PCDHA12: variants seen among roughly 807,000 people sequenced by gnomAD.
The protein encoded by PCDHA12 is protocadherin alpha 12, also known as protocadherin alpha-12.
PCDHA12 carries 44 observed loss-of-function variants against 60.0 expected under a neutral mutation model. That is an observed-to-expected ratio of 0.73 (90% CI 0.58 to 0.94). The LOEUF is 0.94. PCDHA12 is among the 40% of genes least tolerant of loss of function. The pLI is 0.00. For synonymous variants in PCDHA12, 569 were observed against 553.0 expected, an observed-to-expected ratio of 1.03 and a Z score of -0.40; for missense variants, 1,276 against 1,239.7, an observed-to-expected ratio of 1.03 and a Z score of -0.44.
intron 1 of PCDHA12, among the ~76,000 whole-genome samples, chr5:140,907,186 C>A (rs782137829): frequency 1.3e-4 from 20 of 152,186 alleles, no homozygotes; most frequent in Non-Finnish European, 2.5e-4. Context: ...AGAGCATACA[C>A]AACCTTCTGG....
intron 3 of PCDHA12, among the ~76,000 whole-genome samples, chr5:140,990,314 CCAAA>C (rs2097387288): frequency 6.6e-6 from 1 of 152,212 alleles, no homozygotes; most frequent in Non-Finnish European, 1.5e-5. Context: ...AAAAAACCAA[CCAAA>C]CAAACTTTAA....
intron 3 of PCDHA12, among the ~76,000 whole-genome samples, chr5:140,984,922 C>T (rs2097125803): frequency 6.6e-6 from 1 of 152,074 alleles, no homozygotes; most frequent in Non-Finnish European, 1.5e-5. Flanking sequence ...TAGTGCTTGA[C>T]ATATAGTTAA....
chr5:140,973,178 G>A (rs188308697), intron 1 of PCDHA12, among the ~76,000 whole-genome samples: 1 of 152,282 alleles, frequency 6.6e-6, no homozygotes, highest in Admixed American at 6.5e-5. Flanking sequence ...CAAACCTTCA[G>A]TTATTTCTGC....
intron 3 of PCDHA12, among the ~76,000 whole-genome samples, chr5:140,996,834 A>G (rs527764387): frequency 1.7e-4 from 26 of 152,374 alleles, no homozygotes; most frequent in Middle Eastern, 3.4e-3. Flanking sequence ...CCAATAATTT[A>G]GCGTGCATCT....
chr5:140,875,542 T>G lies in PCDHA12; in HGVS notation c.70T>G (p.Trp24Gly). ...GCTCTCGCTTCTGCTCCTTGCAGCC[T>G]GGGAGGTGGGGAGCGGCCAGCTCCA... ...LLLSLLLLAA[W>G]EVGSGQLHYS... The change falls in exon 1 of 4, where the codon TGG (tryptophan) becomes GGG (glycine). Residue 24 changes from tryptophan to glycine, a missense_variant. By Grantham distance (184) the Trp-to-Gly change is radical. Coordinates refer to ENST00000398631, the MANE Select transcript of PCDHA12 (RefSeq NM_018903.4). 1 of 1,614,134 alleles carries G rather than the reference T, an allele frequency of 6.2e-7. No homozygotes were observed.
In PCDHA12 at chr5:140,875,834, T is replaced by C. The variant is rs1562703586; in HGVS notation, c.362T>C (p.Val121Ala). The C allele has an allele frequency of 1.2e-6, 2 of 1,613,958 alleles. No individual in the cohort carries two copies. Among genetic ancestry groups the C allele is most frequent in the Non-Finnish European group, 1.7e-6 (2 of 1,179,998 alleles). ...CCGCTGCAGGTTTTCCATGTGGACG[T>C]GGAGGTGAAGGACATTAACGACAAC... ...DRPLQVFHVD[V>A]EVKDINDNPP... The change falls in exon 1 of 4, where the codon GTG becomes GCG. Residue 121 changes from valine to alanine, a missense_variant. Val to Ala is a moderately conservative substitution (Grantham distance 64, BLOSUM62 0). Coordinates refer to ENST00000398631, the MANE Select transcript of PCDHA12 (RefSeq NM_018903.4).
chr5:140,897,214 G>A (rs1355389573), intron 1 of PCDHA12, among the ~76,000 whole-genome samples: 1 of 151,764 alleles, frequency 6.6e-6, no homozygotes, highest in Non-Finnish European at 1.5e-5. Flanking sequence ...TTAAGTTTTA[G>A]GGTACATGTG....
chr5:140,885,561 T>G (rs1378492280), intron 1 of PCDHA12, among the ~76,000 whole-genome samples: 2 of 152,192 alleles, frequency 1.3e-5, no homozygotes, highest in African/African-American at 4.8e-5. Context: ...TCTACGAAAT[T>G]GATTGTCAGA....
chr5:140,936,275 T>C (rs1423652397), intron 1 of PCDHA12, among the ~76,000 whole-genome samples: 1 of 152,216 alleles, frequency 6.6e-6, no homozygotes, highest in African/African-American at 2.4e-5. Context: ...TATATTCCTG[T>C]GTTTTCTTCT....
chr5:140,927,505 G>C, intron 1 of PCDHA12: 2 of 1,614,120 alleles, frequency 1.2e-6, no homozygotes, highest in Middle Eastern at 1.6e-4. Context: ...GGTGCTTACA[G>C]CTCGGGACGG....
intron 1 of PCDHA12, chr5:140,882,360 T>A: frequency 6.2e-7 from 1 of 1,614,134 alleles, no homozygotes. Context: ...AGTGGCCAGC[T>A]CCACTACTCC....
rs1178647780 is a variant in PCDHA12 at position 140,875,494 on chromosome 5, G to A, written c.22G>A (p.Gly8Ser). The A allele has an allele frequency of 6.2e-7, 1 of 1,613,020 alleles. No individual in the cohort carries two copies. The highest frequency in any genetic ancestry group is 8.5e-7 in the Non-Finnish European group (1 of 1,179,398). Residue 8 changes from glycine to serine, a missense_variant, in exon 1 of 4, where the codon GGC (glycine) becomes AGC (serine). Physicochemically the swap from Gly to Ser is moderately conservative, Grantham distance 56. Coordinates refer to ENST00000398631, the MANE Select transcript of PCDHA12 (RefSeq NM_018903.4). MVIIGPRGPGSQRLLLSL... is the reference protein window; with the variant it reads MVIIGPRSPGSQRLLLSL... ...TGCAATGGTGATTATCGGACCAAGAGGCCCGGGATCCCAGCGTCTGCTGCT... is the reference window on the plus strand; with the variant it reads ...TGCAATGGTGATTATCGGACCAAGAAGCCCGGGATCCCAGCGTCTGCTGCT...
chr5:140,952,948 A>AG (rs1177459807), intron 1 of PCDHA12, among the ~76,000 whole-genome samples: 39 of 152,028 alleles, frequency 2.6e-4, no homozygotes, highest in African/African-American at 8.5e-4. Context: ...GAGAGAGAGA[A>AG]GGGGGAAGTG....
At chr5:140,902,594 A>G (rs1208012043) in intron 1 of PCDHA12, among the ~76,000 whole-genome samples, 1 of 152,112 alleles carries the variant, frequency 6.6e-6, no homozygotes, top group Non-Finnish European at 1.5e-5. Context: ...TTTGGGAAAC[A>G]GGTCGTTTTC....
intron 3 of PCDHA12, among the ~76,000 whole-genome samples, chr5:141,003,283 G>A (rs1331116001): frequency 3.3e-5 from 5 of 152,188 alleles, no homozygotes; most frequent in African/African-American, 1.2e-4. Flanking sequence ...GCCCAAATTG[G>A]ATTATAGGAT....
intron 1 of PCDHA12, chr5:140,884,110 G>A: frequency 6.2e-7 from 1 of 1,613,438 alleles, no homozygotes; most frequent in Non-Finnish European, 8.5e-7. Flanking sequence ...TGCAGCTGGC[G>A]GCGGTCGGCG....
intron 1 of PCDHA12, among the ~76,000 whole-genome samples, chr5:140,949,015 T>A (rs1004348581): frequency 7.9e-5 from 12 of 151,734 alleles, no homozygotes; most frequent in Non-Finnish European, 1.2e-4. Context: ...ATATGTGATG[T>A]TTTTATTTTT....
chr5:140,937,039 C>CTTTTT, intron 1 of PCDHA12, among the ~76,000 whole-genome samples: 1 of 140,166 alleles, frequency 7.1e-6, no homozygotes, highest in Non-Finnish European at 1.5e-5. Flanking sequence ...TTCCATTTAT[C>CTTTTT]TTTTTTTTTT....
At chr5:140,903,302 T>C (rs1299735621) in intron 1 of PCDHA12, among the ~76,000 whole-genome samples, 2 of 152,136 alleles carry the variant, frequency 1.3e-5, no homozygotes, top group Admixed American at 6.5e-5. Flanking sequence ...AAATTTAGTA[T>C]ACAATAAAGA....
Sources: allele counts gnomAD v4.1 joint callset (sites outside exome capture counted in the v4.1 genomes callset), GRCh38; gene constraint gnomAD v4.1.1; transcripts MANE v1.5; gene names NCBI Gene and HGNC (gene_info 2026-07-23, HGNC 2026-07-21).